The following JAM2 variants were observed in gnomAD, a reference collection of about 807,000 sequenced individuals.
JAM2 encodes junctional adhesion molecule B.
Under a neutral mutation model 42.0 loss-of-function variants are expected in JAM2, and 17 were observed. The observed-to-expected ratio is 0.40, with a 90% CI of 0.28 to 0.61. The LOEUF is 0.61. JAM2 is among the 20% of genes least tolerant of loss of function. The probability of loss-of-function intolerance (pLI) is 0.37; values close to 1 mark genes in which losing one functional copy is unlikely to be tolerated. For synonymous variants in JAM2, 118 were observed against 128.6 expected, an observed-to-expected ratio of 0.92 and a Z score of 0.56; for missense variants, 319 against 358.3, an observed-to-expected ratio of 0.89 and a Z score of 0.89.
chr21:25,650,107 G>C (rs921571934), intron 1 of JAM2, among the ~76,000 whole-genome samples: 7 of 152,164 alleles, frequency 4.6e-5, no homozygotes, highest in Non-Finnish European at 8.8e-5. Context: ...GAGTCTTCAT[G>C]ACCCAAACAC....
intron 2 of JAM2, among the ~76,000 whole-genome samples, chr21:25,684,745 G>A (rs79360763): frequency 0.08 from 12,105 of 152,002 alleles, 835 homozygotes; most frequent in African/African-American, 0.19. Flanking sequence ...ACAGGCACAG[G>A]CCACCATGTC....
At chr21:25,708,725 G>A (rs553889608) in intron 7 of JAM2, among the ~76,000 whole-genome samples, 1 of 152,106 alleles carries the variant, frequency 6.6e-6, no homozygotes, top group African/African-American at 2.4e-5. Context: ...CAAAACTCTT[G>A]TCATCTTTAT....
chr21:25,695,128 C>G (rs1261226392), intron 4 of JAM2, among the ~76,000 whole-genome samples: 1 of 152,066 alleles, frequency 6.6e-6, no homozygotes, highest in African/African-American at 2.4e-5. Flanking sequence ...GACCCTGCGG[C>G]CTTCCGCAGT....
intron 6 of JAM2, among the ~76,000 whole-genome samples, chr21:25,704,992 T>G (rs755037864): frequency 5.9e-5 from 9 of 152,228 alleles, no homozygotes; most frequent in Non-Finnish European, 1.2e-4. Flanking sequence ...ACAGTAGTTA[T>G]TTCCAAACTT....
chr21:25,655,647 ATTTTTTTTT>A (rs536746237), intron 1 of JAM2, among the ~76,000 whole-genome samples: 15 of 90,784 alleles, frequency 1.7e-4, no homozygotes, highest in Non-Finnish European at 2.6e-4. Context: ...CGCCCAGCTA[ATTTTTTTTT>A]TTTTTTTTTT....
intron 7 of JAM2, among the ~76,000 whole-genome samples, chr21:25,708,689 A>G (rs1373966710): frequency 6.6e-6 from 1 of 152,236 alleles, no homozygotes; most frequent in African/African-American, 2.4e-5. Context: ...CATCAGTGAA[A>G]GTACAGACAA....
chr21:25,689,376 C>A (rs1024341631), intron 2 of JAM2, among the ~76,000 whole-genome samples: 7 of 152,148 alleles, frequency 4.6e-5, no homozygotes, highest in Admixed American at 6.6e-5. Flanking sequence ...GGATTCAGTG[C>A]CTTTCTTGGG....
intron 1 of JAM2, among the ~76,000 whole-genome samples, chr21:25,646,455 C>T (rs1253223575): frequency 6.6e-6 from 1 of 152,122 alleles, no homozygotes; most frequent in African/African-American, 2.4e-5. Flanking sequence ...TCCAGTGTTT[C>T]CAGAGTTTCC....
chr21:25,652,897 T>C (rs2032821516), intron 1 of JAM2, among the ~76,000 whole-genome samples: 1 of 152,236 alleles, frequency 6.6e-6, no homozygotes, highest in South Asian at 2.1e-4. Flanking sequence ...TTTGCCACCA[T>C]ATGCATTATA....
At chr21:25,703,931 T>C (rs1702733745) in intron 6 of JAM2, among the ~76,000 whole-genome samples, 1 of 152,322 alleles carries the variant, frequency 6.6e-6, no homozygotes, top group South Asian at 2.1e-4. Flanking sequence ...CCCATTTCAC[T>C]GAAGAAAAAT....
intron 4 of JAM2, among the ~76,000 whole-genome samples, chr21:25,698,076 C>T (rs1031856589): frequency 4.4e-4 from 67 of 152,054 alleles, no homozygotes; most frequent in Non-Finnish European, 6.5e-4. Flanking sequence ...CAGTAGAGAT[C>T]GTTTATCTAA....
intron 6 of JAM2, among the ~76,000 whole-genome samples, chr21:25,705,556 G>A (rs1165074054): frequency 1.3e-5 from 2 of 152,068 alleles, no homozygotes; most frequent in Admixed American, 6.6e-5. Flanking sequence ...TTTCTTTGAC[G>A]TTGAGTTTTT....
At chr21:25,641,054 A>C (rs1031655900) in intron 1 of JAM2, among the ~76,000 whole-genome samples, 2 of 152,226 alleles carry the variant, frequency 1.3e-5, no homozygotes, top group Admixed American at 6.5e-5. Context: ...GGCAAGGGAC[A>C]TGTACTGACC....
At chr21:25,673,351 T>TA (rs1455593203) in intron 1 of JAM2, among the ~76,000 whole-genome samples, 2 of 152,250 alleles carry the variant, frequency 1.3e-5, no homozygotes, top group Admixed American at 1.3e-4. Flanking sequence ...GTAATGCATG[T>TA]AACTTATATG....
intron 1 of JAM2, among the ~76,000 whole-genome samples, chr21:25,658,298 G>A (rs2032993003): frequency 2.6e-5 from 4 of 152,050 alleles, no homozygotes; most frequent in African/African-American, 9.7e-5. Context: ...AGAAATCATG[G>A]TATTTAATTG....
intron 1 of JAM2, among the ~76,000 whole-genome samples, chr21:25,641,858 C>T (rs1026419597): frequency 6.6e-6 from 1 of 152,082 alleles, no homozygotes; most frequent in Non-Finnish European, 1.5e-5. Flanking sequence ...TCTTAGGCTT[C>T]CCTTGCTTTC....
chr21:25,669,318 C>T (rs772785654), intron 1 of JAM2, among the ~76,000 whole-genome samples: 1 of 151,582 alleles, frequency 6.6e-6, no homozygotes, highest in Non-Finnish European at 1.5e-5. Flanking sequence ...GCTGCAGTGA[C>T]CCATGATTGC....
At chr21:25,695,288 G>C (rs930323923) in intron 4 of JAM2, among the ~76,000 whole-genome samples, 1 of 152,178 alleles carries the variant, frequency 6.6e-6, no homozygotes, top group Non-Finnish European at 1.5e-5. Flanking sequence ...AGAGAGCACG[G>C]GGTTGGGGGT....
chr21:25,645,461 G>C (rs907348328), intron 1 of JAM2, among the ~76,000 whole-genome samples: 5 of 152,136 alleles, frequency 3.3e-5, no homozygotes, highest in Admixed American at 2.6e-4. Flanking sequence ...ATTTTAAAGA[G>C]AATGCATTGG....
Sources: allele counts gnomAD v4.1 joint callset (sites outside exome capture counted in the v4.1 genomes callset), GRCh38; gene constraint gnomAD v4.1.1; transcripts MANE v1.5; gene names NCBI Gene and HGNC (gene_info 2026-07-23, HGNC 2026-07-21).